The following THSD4 variants were observed in gnomAD, a reference collection of about 807,000 sequenced individuals.
The protein encoded by THSD4 is thrombospondin type-1 domain-containing protein 4.
A neutral mutation model predicts 119.0 loss-of-function variants in THSD4; 69 were observed. That is an observed-to-expected ratio of 0.58 (90% CI 0.48 to 0.71). The LOEUF is 0.71. THSD4 is among the 30% of genes least tolerant of loss of function. The probability of loss-of-function intolerance (pLI) is 0.00; values close to 1 mark genes in which losing one functional copy is unlikely to be tolerated. For missense variants in THSD4, 1,393 were observed against 1,391.1 expected, an observed-to-expected ratio of 1.00 and a Z score of -0.02; for synonymous variants, 524 against 540.4, an observed-to-expected ratio of 0.97 and a Z score of 0.42.
intron 3 of THSD4, among the ~76,000 whole-genome samples, chr15:71,180,315 T>C (rs2141420508): frequency 6.6e-6 from 1 of 152,150 alleles, no homozygotes; most frequent in South Asian, 2.1e-4. Flanking sequence ...GCAGACAACA[T>C]GATTCATAAA....
intron 7 of THSD4, among the ~76,000 whole-genome samples, chr15:71,583,952 C>T (rs1338762179): frequency 6.6e-6 from 1 of 152,068 alleles, no homozygotes; most frequent in South Asian, 2.1e-4. Context: ...TCCACTGTTC[C>T]TTATGGATTT....
intron 7 of THSD4, among the ~76,000 whole-genome samples, chr15:71,557,710 T>C (rs1197260711): frequency 6.6e-6 from 1 of 152,190 alleles, no homozygotes; most frequent in East Asian, 1.9e-4. Context: ...AAGTTAAATA[T>C]GTCTAGGAAT....
At chr15:71,535,299 T>C (rs1231803999) in intron 7 of THSD4, among the ~76,000 whole-genome samples, 1 of 152,242 alleles carries the variant, frequency 6.6e-6, no homozygotes, top group East Asian at 1.9e-4. Context: ...TTTTGTAGCA[T>C]GTATCGATAC....
chr15:71,617,127 G>T (rs1983034), intron 7 of THSD4, among the ~76,000 whole-genome samples: 28,851 of 152,094 alleles, frequency 0.19, 3,088 homozygotes, highest in Non-Finnish European at 0.24. Context: ...CAGAAGCTTA[G>T]AGTGATAAAC....
At chr15:71,677,979 C>G (rs141500820) in intron 8 of THSD4, among the ~76,000 whole-genome samples, 4 of 152,320 alleles carry the variant, frequency 2.6e-5, no homozygotes, top group Admixed American at 6.5e-5. Flanking sequence ...ATAACATTGT[C>G]TCCTAGCCCA....
At chr15:71,192,684 C>T (rs1435067374) in intron 3 of THSD4, among the ~76,000 whole-genome samples, 1 of 152,170 alleles carries the variant, frequency 6.6e-6, no homozygotes, top group Non-Finnish European at 1.5e-5. Flanking sequence ...AGGAACTAGA[C>T]TTATTTCAGT....
At chr15:71,607,158 A>G (rs1367755704) in intron 7 of THSD4, among the ~76,000 whole-genome samples, 1 of 152,202 alleles carries the variant, frequency 6.6e-6, no homozygotes, top group African/African-American at 2.4e-5. Context: ...ATATGGATCC[A>G]GGAGTCTCTG....
intron 6 of THSD4, among the ~76,000 whole-genome samples, chr15:71,362,970 TAAAAAA>T (rs11287381): frequency 3.0e-5 from 4 of 135,018 alleles, no homozygotes; most frequent in African/African-American, 2.9e-5. Flanking sequence ...GCTGATGAGC[TAAAAAA>T]AAAAAAAAAA....
rs1331595916 is a variant in THSD4 at position 71,296,083 on chromosome 15, TTGA to T, written c.1015+39372_1015+39374del. On this transcript the variant is annotated intron_variant, in intron 6 of 17. Transcript: ENST00000261862. ...ATCAGTTGATGGATATTTGATCCAG[TTGA>T]TGAGTCATGAATGATGCTGCTTAGA... 2.0e-5 allele frequency among the ~76,000 whole-genome samples: 3 copies of T among 152,250 alleles called. No individual in the cohort carries two copies. The South Asian group carries it at 6.2e-4, about 31-fold the overall frequency.
intron 7 of THSD4, among the ~76,000 whole-genome samples, chr15:71,473,559 T>G (rs2047613965): frequency 6.6e-6 from 1 of 152,190 alleles, no homozygotes; most frequent in African/African-American, 2.4e-5. Flanking sequence ...TGAACACTAA[T>G]GCCTAACATG....
intron 3 of THSD4, among the ~76,000 whole-genome samples, chr15:71,199,923 GTGT>G (rs1567155150): frequency 5.1e-5 from 3 of 58,460 alleles, no homozygotes; most frequent in Admixed American, 2.0e-4. Context: ...TGGGGTGTGT[GTGT>G]GTGTGTGTGT....
intron 1 of THSD4, among the ~76,000 whole-genome samples, chr15:71,119,594 C>G (rs542736929): frequency 2.0e-5 from 3 of 152,206 alleles, no homozygotes; most frequent in Non-Finnish European, 4.4e-5. Context: ...GCCCAGCCCC[C>G]TCAGCTTACT....
At chr15:71,584,658 C>G (rs1042386625) in intron 7 of THSD4, among the ~76,000 whole-genome samples, 1 of 152,088 alleles carries the variant, frequency 6.6e-6, no homozygotes, top group African/African-American at 2.4e-5. Context: ...TTTTTTAATC[C>G]ATTCAGCCAT....
At chr15:71,578,359 A>G (rs1313681971) in intron 7 of THSD4, among the ~76,000 whole-genome samples, 1 of 152,060 alleles carries the variant, frequency 6.6e-6, no homozygotes, top group East Asian at 1.9e-4. Flanking sequence ...TATAGCAAGG[A>G]TGATGCTCAT....
intron 3 of THSD4, among the ~76,000 whole-genome samples, chr15:71,180,087 A>G (rs895951642): frequency 1.4e-5 from 2 of 138,314 alleles, no homozygotes; most frequent in African/African-American, 5.4e-5. Context: ...GCACATGTAT[A>G]CATATGTAAC....
chr15:71,665,361 A>T (rs1342685985), intron 8 of THSD4, among the ~76,000 whole-genome samples: 1 of 151,882 alleles, frequency 6.6e-6, no homozygotes, highest in African/African-American at 2.4e-5. Flanking sequence ...TTTTTTCCGT[A>T]AACTTGTGAA....
At chr15:71,155,007 T>C in intron 3 of THSD4, 75 bp downstream of exon 3, 2 of 1,441,902 alleles carry the variant, frequency 1.4e-6, no homozygotes, top group Non-Finnish European at 1.9e-6. Flanking sequence ...CCCTGAACTT[T>C]GTTCTGTTTG....
At position 71,141,752 on chromosome 15, in the gene THSD4, G is replaced by C. The variant is rs114634887; in HGVS notation, c.29+196G>C. On this transcript the variant is annotated intron_variant, in intron 2 of 17. Coordinates refer to ENST00000261862, the MANE Select transcript of THSD4 (RefSeq NM_024817.3). ...CCTTGGGAGCTGTGTGCTGTGCTGA[G>C]TGGCTTGGGGTCGAAGTCAATCTAC... Among the ~76,000 whole-genome samples the C allele has an allele frequency of 2.6e-3, 398 of 152,320 alleles. 3 individuals are homozygous for C. Among genetic ancestry groups the C allele is most frequent in the African/African-American group, 9.5e-3 (395 of 41,562 alleles).
At chr15:71,390,884 G>T (rs1160770582) in intron 6 of THSD4, among the ~76,000 whole-genome samples, 1 of 122,814 alleles carries the variant, frequency 8.1e-6, no homozygotes, top group East Asian at 2.3e-4. Flanking sequence ...TGTACAGAGA[G>T]GGCCTTGTTC....
Sources: gnomAD v4.1 joint callset for allele counts (sites outside exome capture counted in the v4.1 genomes callset) on GRCh38, gnomAD v4.1.1 for gene constraint, MANE v1.5 for transcripts, NCBI Gene and HGNC (gene_info 2026-07-23, HGNC 2026-07-21) for gene names.